CHRNB3: variants seen among roughly 807,000 people sequenced by gnomAD.
CHRNB3 encodes cholinergic receptor nicotinic beta 3 subunit.
CHRNB3 carries 37 observed loss-of-function variants against 40.6 expected under a neutral mutation model. The observed-to-expected ratio is 0.91, with a 90% CI of 0.70 to 1.20. The LOEUF is 1.20. Ranked by LOEUF, CHRNB3 falls within the 50% of genes most tolerant of loss-of-function variation. The pLI is 0.00. For synonymous variants in CHRNB3, 207 were observed against 207.1 expected, an observed-to-expected ratio of 1.00 and a Z score of 0.00; for missense variants, 505 against 551.2, an observed-to-expected ratio of 0.92 and a Z score of 0.84.
chr8:42,708,674 T>C lies in CHRNB3; in HGVS notation c.53-43T>C, dbSNP rs1190854819. On this transcript the variant is annotated intron_variant, in intron 1 of 5. Transcript: ENST00000289957. ...CCATGGGACACTCATCCAGGCATCG[T>C]GCCCCTCCCATTAACCCAGGTCCAC... is the stretch of plus-strand genomic sequence containing the variant. 4 of 1,603,332 alleles carry C rather than the reference T, an allele frequency of 2.5e-6. No homozygotes were observed. In the African/African-American group the frequency reaches 5.4e-5, roughly 21 times the overall value.
rs371321473 is a variant in CHRNB3, at chr8:42,707,851, C to T, written c.53-866C>T. 2.6e-5 allele frequency among the ~76,000 whole-genome samples: 4 copies of T among 152,352 alleles called. No individual in the cohort carries two copies. The East Asian group carries it at 7.7e-4, about 29-fold the overall frequency. ...ATGTGCCGACTCTGACATCTACTAACACACATAAAATGAACACCCACTATG... is the reference window on the plus strand; with the variant it reads ...ATGTGCCGACTCTGACATCTACTAATACACATAAAATGAACACCCACTATG... On this transcript the variant is annotated intron_variant, in intron 1 of 5. Transcript: ENST00000289957.
intron 3 of CHRNB3, among the ~76,000 whole-genome samples, chr8:42,717,053 C>G (rs1203303019): frequency 6.6e-6 from 1 of 151,846 alleles, no homozygotes; most frequent in Non-Finnish European, 1.5e-5. Context: ...TTGGATAGAC[C>G]CCTGGAGCTG....
chr8:42,718,699 A>AAC, intron 3 of CHRNB3, among the ~76,000 whole-genome samples: 1 of 134,546 alleles, frequency 7.4e-6, no homozygotes, highest in South Asian at 2.4e-4. Context: ...AAAAAAAAAA[A>AAC]AGAATAATTC....
intron 4 of CHRNB3, 123 bp from the exon 5 acceptor site, chr8:42,731,544 G>C: frequency 9.3e-7 from 1 of 1,080,258 alleles, no homozygotes; most frequent in Non-Finnish European, 1.3e-6. Context: ...GATAGAGTGA[G>C]ACTCCATCTC....
intron 5 of CHRNB3, 90 bp downstream of exon 5, chr8:42,732,639 G>C (rs1816451645): frequency 8.0e-7 from 1 of 1,254,338 alleles, no homozygotes; most frequent in Admixed American, 2.7e-5. Context: ...ATATTGTCAT[G>C]GTTTAAATGT....
In CHRNB3 at chr8:42,723,490, T is replaced by C. The variant is rs771752153; in HGVS notation, c.250-7104T>C. On this transcript the variant is annotated intron_variant, in intron 3 of 5. Coordinates refer to ENST00000289957, the MANE Select transcript of CHRNB3 (RefSeq NM_000749.5). ...AAACAAATGAACTTATGAAGCATTT[T>C]AAGCTACAGGTTTTCCCACTGCAGT... Among the ~76,000 whole-genome samples the C allele has an allele frequency of 2.0e-5, 3 of 152,168 alleles. 1 individual carries two copies. The highest frequency in any genetic ancestry group is 7.2e-5 in the African/African-American group (3 of 41,422).
rs191836262 is a variant in CHRNB3 at position 42,727,909 on chromosome 8, C to T, written c.250-2685C>T. ...TACAAAATTTCTAGCAGAAAGCATA[C>T]GAGAAAATCTTCGTGACCCTGTGTT... is the stretch of plus-strand genomic sequence containing the variant. On this transcript the variant is annotated intron_variant, in intron 3 of 5. Coordinates refer to ENST00000289957, the MANE Select transcript of CHRNB3 (RefSeq NM_000749.5). Among the ~76,000 whole-genome samples, 341 of 152,114 alleles carry T rather than the reference C, an allele frequency of 2.2e-3. 4 individuals are homozygous for T. The highest frequency in any genetic ancestry group is 7.2e-3 in the African/African-American group (299 of 41,474).
intron 3 of CHRNB3, chr8:42,726,017 C>T (rs1315233619): frequency 2.9e-6 from 3 of 1,044,608 alleles, no homozygotes; most frequent in East Asian, 4.7e-5. Context: ...CACTTCTAGT[C>T]GTCTGAGACG....
chr8:42,711,737 C>T (rs1816020053), intron 3 of CHRNB3, among the ~76,000 whole-genome samples: 1 of 152,090 alleles, frequency 6.6e-6, no homozygotes, highest in African/African-American at 2.4e-5. Context: ...AGGTTTGTTT[C>T]ATGGATATAT....
intron 3 of CHRNB3, among the ~76,000 whole-genome samples, chr8:42,728,209 G>A: frequency 6.6e-6 from 1 of 152,310 alleles, no homozygotes; most frequent in Non-Finnish European, 1.5e-5. Flanking sequence ...TTCATGATTA[G>A]TCATTAGGAA....
intron 3 of CHRNB3, among the ~76,000 whole-genome samples, chr8:42,727,447 A>G (rs1482020952): frequency 6.6e-6 from 1 of 151,850 alleles, no homozygotes; most frequent in Non-Finnish European, 1.5e-5. Flanking sequence ...TCCAGAATGG[A>G]CCCATGCACA....
chr8:42,708,700 C>T lies in CHRNB3; in HGVS notation c.53-17C>T, dbSNP rs1283361836. ...GCCCCTCCCATTAACCCAGGTCCAC[C>T]CATGATTCTTTTACAGCCACCACAG... On this transcript the variant is annotated splice_polypyrimidine_tract_variant and intron_variant, in intron 1 of 5. Coordinates refer to ENST00000289957, the MANE Select transcript of CHRNB3 (RefSeq NM_000749.5). 3 of 1,612,652 alleles carry T rather than the reference C, an allele frequency of 1.9e-6. No homozygotes were observed. The highest frequency in any genetic ancestry group is 2.2e-5 in the South Asian group (2 of 90,736).
At chr8:42,733,663 G>A (rs897828942) in intron 5 of CHRNB3, among the ~76,000 whole-genome samples, 1 of 135,574 alleles carries the variant, frequency 7.4e-6, no homozygotes, top group Admixed American at 8.7e-5. Flanking sequence ...TGTGATCTCA[G>A]CTTACTGCAA....
At chr8:42,718,503 T>G (rs1158687374) in intron 3 of CHRNB3, among the ~76,000 whole-genome samples, 1 of 151,350 alleles carries the variant, frequency 6.6e-6, no homozygotes, top group Non-Finnish European at 1.5e-5. Flanking sequence ...GAAACCCCAT[T>G]TCTACTAAAA....
chr8:42,719,508 A>G (rs80306528), intron 3 of CHRNB3, among the ~76,000 whole-genome samples: 8,718 of 152,228 alleles, frequency 0.057, 332 homozygotes, highest in Middle Eastern at 0.11. Flanking sequence ...TTAGCCAGGC[A>G]TGGTGGTGCA....
intron 3 of CHRNB3, among the ~76,000 whole-genome samples, chr8:42,714,045 G>A (rs1816060694): frequency 6.6e-6 from 1 of 152,200 alleles, no homozygotes; most frequent in Non-Finnish European, 1.5e-5. Context: ...AGTGGGAAAT[G>A]TTACAGTGGA....
At chr8:42,718,109 G>A (rs572652339) in intron 3 of CHRNB3, among the ~76,000 whole-genome samples, 87 of 151,804 alleles carry the variant, frequency 5.7e-4, no homozygotes, top group Non-Finnish European at 7.4e-4. Flanking sequence ...GGATTATAGG[G>A]GTGAGCCACC....
chr8:42,725,435 A>G (rs1444448648), intron 3 of CHRNB3: 1 of 588,150 alleles, frequency 1.7e-6, no homozygotes, highest in Non-Finnish European at 3.0e-6. Flanking sequence ...TTTTGAAGAT[A>G]AAGCAGGAAA....
chr8:42,708,968 T>G (rs1815966391), intron 2 of CHRNB3, 100 bp downstream of exon 2: 1 of 1,253,478 alleles, frequency 8.0e-7, no homozygotes. Flanking sequence ...ATTTCAATTT[T>G]AAAAATAATT....
Sources: gnomAD v4.1 joint callset for allele counts (sites outside exome capture counted in the v4.1 genomes callset) on GRCh38, gnomAD v4.1.1 for gene constraint, MANE v1.5 for transcripts, NCBI Gene and HGNC (gene_info 2026-07-23, HGNC 2026-07-21) for gene names.